The following CNTNAP5 variants were observed in gnomAD, a reference collection of about 807,000 sequenced individuals.
The protein encoded by CNTNAP5 is contactin associated protein family member 5.
A neutral mutation model predicts 150.2 loss-of-function variants in CNTNAP5; 72 were observed. That is an observed-to-expected ratio of 0.48 (90% CI 0.40 to 0.58). The LOEUF (loss-of-function observed/expected upper bound fraction) is 0.58. CNTNAP5 is among the 20% of genes least tolerant of loss of function. CNTNAP5 has a pLI of 0.00. For synonymous variants in CNTNAP5, 672 were observed against 619.8 expected (o/e 1.08, Z -1.25); for missense variants, 1,636 against 1,626.2 (o/e 1.01, Z -0.10).
At chr2:124,222,590 G>A (rs1373838741) in intron 2 of CNTNAP5, among the ~76,000 whole-genome samples, 2 of 151,992 alleles carry the variant, frequency 1.3e-5, no homozygotes, top group Non-Finnish European at 2.9e-5. Flanking sequence ...AATTTAAAGA[G>A]AGCTACGGGT....
At chr2:124,849,671 G>A (rs565497644) in intron 19 of CNTNAP5, among the ~76,000 whole-genome samples, 2 of 152,038 alleles carry the variant, frequency 1.3e-5, no homozygotes, top group Non-Finnish European at 2.9e-5. Context: ...TATGAATGTG[G>A]GCTATCTATT....
chr2:124,082,680 G>A (rs113265061), intron 1 of CNTNAP5, among the ~76,000 whole-genome samples: 26 of 152,280 alleles, frequency 1.7e-4, no homozygotes, highest in African/African-American at 6.3e-4. Context: ...AAGTACAATT[G>A]TTGGGCCATA....
chr2:124,038,350 C>G (rs1681279444), intron 1 of CNTNAP5, among the ~76,000 whole-genome samples: 1 of 152,104 alleles, frequency 6.6e-6, no homozygotes, highest in East Asian at 1.9e-4. Context: ...GTCTTTGGGT[C>G]TCCTGTATCT....
chr2:124,787,893 T>A (rs2104629868), intron 17 of CNTNAP5, among the ~76,000 whole-genome samples: 1 of 152,346 alleles, frequency 6.6e-6, no homozygotes, highest in South Asian at 2.1e-4. Context: ...AAAGATTTAA[T>A]AAAGTTGTAG....
intron 3 of CNTNAP5, among the ~76,000 whole-genome samples, chr2:124,375,334 A>G (rs980624361): frequency 7.2e-4 from 110 of 152,298 alleles, no homozygotes; most frequent in African/African-American, 2.6e-3. Flanking sequence ...TCACCAATGA[A>G]AAAGCATACT....
intron 19 of CNTNAP5, among the ~76,000 whole-genome samples, chr2:124,837,771 A>T (rs997237994): frequency 1.3e-5 from 2 of 152,164 alleles, no homozygotes; most frequent in African/African-American, 4.8e-5. Context: ...TTCACTAGGC[A>T]GAAATTTGAA....
chr2:124,533,242 C>T (rs768277002), intron 10 of CNTNAP5, among the ~76,000 whole-genome samples: 25 of 152,052 alleles, frequency 1.6e-4, no homozygotes, highest in Non-Finnish European at 3.4e-4. Context: ...ACTTCTAGGG[C>T]CATGCATGCA....
At chr2:124,068,307 G>A (rs1158762049) in intron 1 of CNTNAP5, among the ~76,000 whole-genome samples, 1 of 152,082 alleles carries the variant, frequency 6.6e-6, no homozygotes, top group Non-Finnish European at 1.5e-5. Flanking sequence ...AGCAACTGGT[G>A]GACTTTGCAT....
intron 3 of CNTNAP5, among the ~76,000 whole-genome samples, chr2:124,392,947 C>T (rs1371035135): frequency 6.6e-6 from 1 of 152,124 alleles, no homozygotes; most frequent in East Asian, 1.9e-4. Context: ...GTGGACCAAT[C>T]CCAGGACAAT....
At chr2:124,614,685 G>T (rs1019040268) in intron 12 of CNTNAP5, among the ~76,000 whole-genome samples, 3 of 152,124 alleles carry the variant, frequency 2.0e-5, no homozygotes, top group Admixed American at 6.5e-5. Flanking sequence ...CAGTGAGGAT[G>T]ACCAGAGGTC....
intron 16 of CNTNAP5, among the ~76,000 whole-genome samples, chr2:124,764,933 T>G (rs1242593433): frequency 6.6e-6 from 1 of 152,094 alleles, no homozygotes; most frequent in Non-Finnish European, 1.5e-5. Flanking sequence ...TGTTTCTGAG[T>G]CTCTACTTCT....
At chr2:124,867,558 G>A (rs1409164107) in intron 20 of CNTNAP5, among the ~76,000 whole-genome samples, 1 of 152,066 alleles carries the variant, frequency 6.6e-6, no homozygotes, top group Non-Finnish European at 1.5e-5. Flanking sequence ...AGTCTTTATT[G>A]CTTGCCCAAT....
chr2:124,497,730 C>T (rs780440004), intron 7 of CNTNAP5, among the ~76,000 whole-genome samples: 4 of 152,146 alleles, frequency 2.6e-5, no homozygotes, highest in Non-Finnish European at 4.4e-5. Flanking sequence ...ATACGAGAGT[C>T]CAGGTTTAGG....
At chr2:124,645,206 T>A (rs1573518958) in intron 12 of CNTNAP5, among the ~76,000 whole-genome samples, 1 of 152,218 alleles carries the variant, frequency 6.6e-6, no homozygotes, top group Admixed American at 6.5e-5. Flanking sequence ...AATATTATTA[T>A]CTTTACCAAC....
chr2:124,189,945 C>T (rs1443616795), intron 1 of CNTNAP5, among the ~76,000 whole-genome samples: 2 of 152,186 alleles, frequency 1.3e-5, no homozygotes, highest in Non-Finnish European at 2.9e-5. Context: ...CTCTGCCTCC[C>T]AAGTGGGCTT....
At chr2:124,087,577 C>A (rs1455894364) in intron 1 of CNTNAP5, among the ~76,000 whole-genome samples, 1 of 151,724 alleles carries the variant, frequency 6.6e-6, no homozygotes, top group Non-Finnish European at 1.5e-5. Flanking sequence ...CAAAAATTAG[C>A]TGGGCGTGGT....
chr2:124,178,048 T>C (rs1444110191), intron 1 of CNTNAP5, among the ~76,000 whole-genome samples: 1 of 152,086 alleles, frequency 6.6e-6, no homozygotes, highest in African/African-American at 2.4e-5. Flanking sequence ...AGTTTTACTA[T>C]GTTGGCCAGG....
At chr2:124,184,723 G>C (rs1685292375) in intron 1 of CNTNAP5, among the ~76,000 whole-genome samples, 1 of 152,116 alleles carries the variant, frequency 6.6e-6, no homozygotes. Flanking sequence ...TGTTACCATG[G>C]CTGAGACCCA....
chr2:124,656,230 G>A (rs570833669), intron 13 of CNTNAP5, among the ~76,000 whole-genome samples: 3 of 152,174 alleles, frequency 2.0e-5, no homozygotes, highest in African/African-American at 7.2e-5. Context: ...GTGAATACAG[G>A]GCAGAGTCGA....
Sources: allele counts gnomAD v4.1 joint callset (sites outside exome capture counted in the v4.1 genomes callset), GRCh38; gene constraint gnomAD v4.1.1; transcripts MANE v1.5; gene names NCBI Gene and HGNC (gene_info 2026-07-23, HGNC 2026-07-21).